The following VSNL1 variants were observed in gnomAD, a reference collection of about 807,000 sequenced individuals.
VSNL1 encodes the protein visinin-like protein 1.
In VSNL1, 6 loss-of-function variants were observed where a neutral mutation model predicts 20.4. The observed-to-expected ratio is 0.29, with a 90% CI of 0.16 to 0.58. VSNL1 has a LOEUF of 0.58. Among genes scored for constraint, VSNL1 ranks in the 20% least tolerant of loss-of-function variants. The probability of loss-of-function intolerance (pLI) is 0.90; values close to 1 mark genes in which losing one functional copy is unlikely to be tolerated. For missense variants in VSNL1, 100 were observed against 234.5 expected (o/e 0.43, Z 3.75); for synonymous variants, 93 against 86.4 (o/e 1.08, Z -0.42).
At chr2:17,611,148 A>G (rs1665075086) in intron 2 of VSNL1, among the ~76,000 whole-genome samples, 2 of 152,236 alleles carry the variant, frequency 1.3e-5, no homozygotes, top group Admixed American at 1.3e-4. Context: ...GTACTATGCT[A>G]TACATGTTCT....
chr2:17,589,971 T>G (rs954186019), intron 1 of VSNL1, among the ~76,000 whole-genome samples: 1 of 152,112 alleles, frequency 6.6e-6, no homozygotes, highest in Non-Finnish European at 1.5e-5. Flanking sequence ...TCTCCTGAAA[T>G]GTCTTTCATC....
chr2:17,622,456 C>T (rs1665384328), intron 2 of VSNL1, among the ~76,000 whole-genome samples: 1 of 148,498 alleles, frequency 6.7e-6, no homozygotes, highest in Non-Finnish European at 1.5e-5. Flanking sequence ...CAAGATCGCG[C>T]CACTACACTC....
At chr2:17,571,856 C>T (rs1322484123) in intron 1 of VSNL1, among the ~76,000 whole-genome samples, 1 of 152,156 alleles carries the variant, frequency 6.6e-6, no homozygotes, top group Non-Finnish European at 1.5e-5. Context: ...TGACAGGTCA[C>T]ATTTGAGCAG....
At chr2:17,568,260 C>G (rs376678842) in intron 1 of VSNL1, among the ~76,000 whole-genome samples, 3 of 151,838 alleles carry the variant, frequency 2.0e-5, no homozygotes, top group Non-Finnish European at 2.9e-5. Context: ...CTTAACAATT[C>G]GGCTTTGTTT....
chr2:17,591,950 C>T, intron 1 of VSNL1, 120 bp from the exon 2 acceptor site: 1 of 1,006,048 alleles, frequency 9.9e-7, no homozygotes, highest in Non-Finnish European at 1.5e-6. Context: ...GGAAGATATG[C>T]ATCAGCCACA....
chr2:17,546,118 A>G (rs1235168254), intron 1 of VSNL1: 1 of 152,066 alleles, frequency 6.6e-6, no homozygotes, highest in Non-Finnish European at 1.5e-5. Flanking sequence ...ACCTAATACA[A>G]TAATTACTGA....
intron 2 of VSNL1, among the ~76,000 whole-genome samples, chr2:17,621,038 T>A (rs1267147784): frequency 2.0e-5 from 3 of 152,180 alleles, no homozygotes; most frequent in African/African-American, 7.2e-5. Flanking sequence ...GACTTATGGT[T>A]ACATAATGGT....
intron 1 of VSNL1, among the ~76,000 whole-genome samples, chr2:17,548,616 C>T (rs1224202891): frequency 6.6e-6 from 1 of 152,024 alleles, no homozygotes; most frequent in Non-Finnish European, 1.5e-5. Flanking sequence ...ATTCCTTCTC[C>T]CCCTGCACAC....
At chr2:17,564,358 T>G (rs1380000848) in intron 1 of VSNL1, among the ~76,000 whole-genome samples, 1 of 152,222 alleles carries the variant, frequency 6.6e-6, no homozygotes, top group Non-Finnish European at 1.5e-5. Flanking sequence ...GTTTCATTTT[T>G]GTAATGAGAT....
At chr2:17,648,593 G>T (rs989544983) in intron 2 of VSNL1, among the ~76,000 whole-genome samples, 2 of 152,104 alleles carry the variant, frequency 1.3e-5, no homozygotes, top group African/African-American at 4.8e-5. Context: ...GTTGTATTTG[G>T]GGCTTTGCAG....
chr2:17,591,824 A>T (rs1000709932), intron 1 of VSNL1, among the ~76,000 whole-genome samples: 1 of 152,144 alleles, frequency 6.6e-6, no homozygotes, highest in Non-Finnish European at 1.5e-5. Flanking sequence ...AGTCAACACC[A>T]TATGAAAGAT....
At chr2:17,647,240 C>T (rs909217682) in intron 2 of VSNL1, among the ~76,000 whole-genome samples, 1 of 152,140 alleles carries the variant, frequency 6.6e-6, no homozygotes, top group Non-Finnish European at 1.5e-5. Context: ...GGCTGTGAGA[C>T]ATAAGATAGT....
Position 17,655,570 on chromosome 2 carries a change from T to G in VSNL1, c.*176T>G, listed in dbSNP as rs2710666. 138 of 602,886 alleles carry G rather than the reference T, an allele frequency of 2.3e-4. No homozygotes were observed. The highest frequency in any genetic ancestry group is 2.1e-3 in the African/African-American group (112 of 54,138). The allele number at this position is 602,886 out of a possible 1,614,324, so 37.3% of individuals were successfully genotyped here. ...TGAAACACTCGTGTGCATGAGAATG[T>G]CATTTGCTAATGAATTTTAAAAGCA... is the stretch of plus-strand genomic sequence containing the variant. On this transcript the variant is annotated 3_prime_UTR_variant, in exon 4 of 4. Coordinates refer to ENST00000295156, the MANE Select transcript of VSNL1 (RefSeq NM_003385.5). This position sits in a 1 kb window ranked among gnomAD's most constrained non-coding sequence, Gnocchi z 5.2.
chr2:17,591,944 GA>G, intron 1 of VSNL1, 125 bp from the exon 2 acceptor site: 1 of 938,214 alleles, frequency 1.1e-6, no homozygotes. Flanking sequence ...GACTTGGGAA[GA>G]TATGCATCAG....
chr2:17,593,857 A>G (rs556820816), intron 2 of VSNL1, among the ~76,000 whole-genome samples: 13 of 152,174 alleles, frequency 8.5e-5, no homozygotes, highest in Non-Finnish European at 1.6e-4. Flanking sequence ...CATGTCTTCT[A>G]TTTTATCACC....
rs376175951 is a variant in VSNL1, at chr2:17,543,187, A to G, written c.-6+2269A>G. Among the ~76,000 whole-genome samples the G allele has an allele frequency of 2.0e-5, 3 of 151,266 alleles. No homozygotes were observed. In the East Asian group the frequency reaches 5.8e-4, roughly 29 times the overall value. On this transcript the variant is annotated intron_variant, in intron 1 of 3. Transcript: ENST00000295156. The stretch of plus-strand genomic sequence containing the variant: ...ATTGCCCCTCACCTCTAATATCCCC[A>G]CCTCTTTGGATGTTTAGTCTGGCTT...
chr2:17,609,537 T>C (rs1029448531), intron 2 of VSNL1, among the ~76,000 whole-genome samples: 6 of 152,192 alleles, frequency 3.9e-5, no homozygotes, highest in Admixed American at 3.9e-4. Context: ...CTTCTGAAGG[T>C]CAAGTGCAAG....
intron 1 of VSNL1, among the ~76,000 whole-genome samples, chr2:17,568,890 GA>G (rs1302878728): frequency 6.6e-6 from 1 of 151,932 alleles, no homozygotes; most frequent in Admixed American, 6.6e-5. Flanking sequence ...CTATTCTGTT[GA>G]TTTCTGGCAT....
At chr2:17,574,059 A>C (rs1664144446) in intron 1 of VSNL1, among the ~76,000 whole-genome samples, 1 of 152,204 alleles carries the variant, frequency 6.6e-6, no homozygotes, top group African/African-American at 2.4e-5. Flanking sequence ...ATTTGACTTC[A>C]CATTTTCTTT....
Sources: gnomAD v4.1 joint callset for allele counts (sites outside exome capture counted in the v4.1 genomes callset) on GRCh38, gnomAD v4.1.1 for gene constraint, Gnocchi (gnomAD v3.1) non-coding constraint, MANE v1.5 for transcripts, NCBI Gene and HGNC (gene_info 2026-07-23, HGNC 2026-07-21) for gene names.